The following PRSS23 variants were observed in gnomAD, a reference collection of about 807,000 sequenced individuals.
PRSS23 encodes serine protease 23, also known as protease, serine 23.
A neutral mutation model predicts 34.7 loss-of-function variants in PRSS23; 25 were observed. That is an observed-to-expected ratio of 0.72 (90% CI 0.53 to 1.01). PRSS23 has a LOEUF of 1.01. Among genes scored for constraint, PRSS23 ranks in the 50% least tolerant of loss-of-function variants. PRSS23 has a pLI of 0.00. For synonymous variants in PRSS23, 176 were observed against 186.6 expected (o/e 0.94, Z 0.46); for missense variants, 445 against 475.6 (o/e 0.94, Z 0.60).
intron 2 of PRSS23, among the ~76,000 whole-genome samples, chr11:86,869,487 G>C (rs1398936215): frequency 6.6e-6 from 1 of 152,172 alleles, no homozygotes; most frequent in East Asian, 1.9e-4. Context: ...AGCCTAATGA[G>C]AGAGGCAAAC....
chr11:86,936,742 A>C (rs1949165648), intron 2 of PRSS23: 1 of 152,092 alleles, frequency 6.6e-6, no homozygotes, highest in African/African-American at 2.4e-5. Flanking sequence ...CTCTACAAAA[A>C]ATACAAAAAA....
chr11:86,823,344 G>C (rs564966709), intron 1 of PRSS23: 49 of 699,320 alleles, frequency 7.0e-5, no homozygotes, highest in South Asian at 7.0e-4. Flanking sequence ...CCAGGACTTT[G>C]AACTTGCTGT....
intron 2 of PRSS23, among the ~76,000 whole-genome samples, chr11:86,939,430 T>A (rs1379024435): frequency 5.5e-5 from 6 of 109,520 alleles, no homozygotes; most frequent in African/African-American, 2.0e-4. Context: ...ATATATATTT[T>A]TTAACATGAG....
intron 2 of PRSS23, among the ~76,000 whole-genome samples, chr11:86,905,520 C>T (rs1948936357): frequency 6.6e-6 from 1 of 152,194 alleles, no homozygotes; most frequent in Non-Finnish European, 1.5e-5. Context: ...TCACTCCTTT[C>T]AGATTCAACT....
At chr11:86,931,882 T>C (rs1949128443) in intron 2 of PRSS23, among the ~76,000 whole-genome samples, 1 of 152,054 alleles carries the variant, frequency 6.6e-6, no homozygotes, top group South Asian at 2.1e-4. Context: ...GCAACTGTAA[T>C]AATCCAGGAG....
intron 2 of PRSS23, among the ~76,000 whole-genome samples, chr11:86,887,613 T>C (rs531259980): frequency 1.5e-4 from 23 of 152,242 alleles, no homozygotes; most frequent in Middle Eastern, 3.4e-3. Flanking sequence ...ATTATAACTG[T>C]CCCAGGAATC....
intron 2 of PRSS23, among the ~76,000 whole-genome samples, chr11:86,824,330 A>AAAATAAAATAAAATAAAAT (rs369196890): frequency 1.5e-5 from 2 of 133,158 alleles, no homozygotes; most frequent in South Asian, 2.4e-4. Context: ...AAATAAAAAT[A>AAAATAAAATAAAATAAAAT]AAAATAAAAT....
intron 2 of PRSS23, among the ~76,000 whole-genome samples, chr11:86,875,801 T>C (rs77586049): frequency 1.5e-3 from 224 of 152,318 alleles, no homozygotes; most frequent in African/African-American, 5.3e-3. Flanking sequence ...AGAAGGAAAA[T>C]GAGAACAGCC....
At chr11:86,841,258 G>A (rs1590889037) in intron 2 of PRSS23, among the ~76,000 whole-genome samples, 1 of 148,334 alleles carries the variant, frequency 6.7e-6, no homozygotes, top group East Asian at 2.0e-4. Flanking sequence ...AGAATCCCTT[G>A]AACCTGGGAG....
intron 2 of PRSS23, among the ~76,000 whole-genome samples, chr11:86,847,780 C>A (rs1337146696): frequency 6.6e-6 from 1 of 152,188 alleles, no homozygotes; most frequent in African/African-American, 2.4e-5. Context: ...TTAATTATAA[C>A]ACCCTTCTAC....
rs549018241 is a variant in PRSS23, at chr11:86,855,338, A to G, written c.206+31745A>G. On this transcript the variant is annotated intron_variant, in intron 2 of 2. Coordinates refer to the PRSS23 transcript ENST00000533902. ...TGGAAATATTCAATAAATTCCTGTG[A>G]ACTAAAATTTCCCTACTGTACTGTC... is the stretch of plus-strand genomic sequence containing the variant. 2.0e-5 allele frequency among the ~76,000 whole-genome samples: 3 copies of G among 152,272 alleles called. 1 individual carries two copies. The highest frequency in any genetic ancestry group is 7.2e-5 in the African/African-American group (3 of 41,538).
At chr11:86,938,638 A>C (rs78874870) in intron 2 of PRSS23, among the ~76,000 whole-genome samples, 5,285 of 151,696 alleles carry the variant, frequency 0.035, 112 homozygotes, top group South Asian at 0.087. Context: ...GACATAAAGA[A>C]GAATATCAGC....
intron 2 of PRSS23, among the ~76,000 whole-genome samples, chr11:86,855,372 G>T (rs549352032): frequency 2.6e-5 from 4 of 151,950 alleles, no homozygotes; most frequent in Admixed American, 6.6e-5. Context: ...TCAAACAGTC[G>T]AACTCATTTA....
At chr11:86,938,836 A>G (rs937024427) in intron 2 of PRSS23, among the ~76,000 whole-genome samples, 1 of 152,124 alleles carries the variant, frequency 6.6e-6, no homozygotes, top group South Asian at 2.1e-4. Flanking sequence ...AGAGAACCTA[A>G]GAAGGCCCCT....
At chr11:86,930,862 C>T (rs1590933064) in intron 2 of PRSS23, among the ~76,000 whole-genome samples, 1 of 151,258 alleles carries the variant, frequency 6.6e-6, no homozygotes, top group South Asian at 2.1e-4. Flanking sequence ...AGGTAAAGTG[C>T]TTCACAGTCA....
At chr11:86,879,446 G>A (rs1276836681) in intron 2 of PRSS23, among the ~76,000 whole-genome samples, 4 of 151,682 alleles carry the variant, frequency 2.6e-5, no homozygotes, top group Admixed American at 6.6e-5. Context: ...CATCCGGGAG[G>A]GAGGTGGGGG....
exon 3 of PRSS23, chr11:86,951,784 T>C: frequency 6.2e-7 from 1 of 1,614,020 alleles, no homozygotes; most frequent in Non-Finnish European, 8.5e-7. Flanking sequence ...ACCAAGTGAG[T>C]GTCAGAATAA....
intron 2 of PRSS23, chr11:86,951,086 C>G: frequency 6.3e-7 from 1 of 1,585,354 alleles, no homozygotes; most frequent in Non-Finnish European, 8.7e-7. Context: ...AGAATTTCCT[C>G]CAAAATGCTG....
At chr11:86,858,192 T>C (rs1948586343) in intron 2 of PRSS23, among the ~76,000 whole-genome samples, 1 of 152,058 alleles carries the variant, frequency 6.6e-6, no homozygotes, top group Non-Finnish European at 1.5e-5. Context: ...GTAGGGGTTG[T>C]ACACCTTCCT....
Sources: allele counts gnomAD v4.1 joint callset (sites outside exome capture counted in the v4.1 genomes callset), GRCh38; gene constraint gnomAD v4.1.1; transcripts MANE v1.5; gene names NCBI Gene and HGNC (gene_info 2026-07-23, HGNC 2026-07-21).